Variants in PTPRC observed in about 807,000 individuals in gnomAD.
PTPRC encodes protein tyrosine phosphatase receptor type C, also known as receptor-type tyrosine-protein phosphatase C.
A neutral mutation model predicts 155.9 loss-of-function variants in PTPRC; 44 were observed. That is an observed-to-expected ratio of 0.28 (90% CI 0.22 to 0.36). PTPRC has a LOEUF of 0.36. PTPRC is among the 10% of genes least tolerant of loss of function. PTPRC has a pLI of 1.00. For missense variants in PTPRC, 1,401 were observed against 1,564.6 expected (o/e 0.90, Z 1.76); for synonymous variants, 525 against 533.1 (o/e 0.98, Z 0.21).
Position 198,735,144 on chromosome 1 carries a change from C to G in PTPRC, c.2295C>G (p.Tyr765Ter), listed in dbSNP as rs1571880832. 6.2e-7 allele frequency: 1 copy of G among 1,602,446 alleles called. No homozygotes were observed. Among genetic ancestry groups the G allele is most frequent in the Non-Finnish European group, 8.5e-7 (1 of 1,173,224 alleles). ...EEGNRNKCAE[Y>*]WPSMEEGTRA... ...AAATGTAGAACAAGTGTGCAGAATA[C>G]TGGCCGTCAATGGAAGAGGGCACTC... Residue 765 changes from tyrosine (Y) to a stop codon, truncating the protein, a stop_gained, in exon 23 of 33, where the codon TAC becomes TAG. Transcript: ENST00000442510. LOFTEE classifies it high-confidence loss of function.
intron 8 of PTPRC, among the ~76,000 whole-genome samples, chr1:198,706,228 C>T (rs1357121214): frequency 6.6e-6 from 1 of 152,092 alleles, no homozygotes; most frequent in Non-Finnish European, 1.5e-5. Flanking sequence ...CATAATTTTA[C>T]CCAAGTTAAG....
intron 19 of PTPRC, 30 bp downstream of exon 19, chr1:198,732,420 T>A (rs774487634): frequency 3.1e-6 from 5 of 1,597,368 alleles, no homozygotes; most frequent in Non-Finnish European, 4.3e-6. Flanking sequence ...TGAATTCCCA[T>A]ATATTAGGCT....
At chr1:198,745,980 G>T (rs1655118705) in intron 26 of PTPRC, among the ~76,000 whole-genome samples, 1 of 151,762 alleles carries the variant, frequency 6.6e-6, no homozygotes. Flanking sequence ...TTTTAGAGGT[G>T]ATGTAATATT....
intron 20 of PTPRC, among the ~76,000 whole-genome samples, chr1:198,733,385 T>A (rs1019272813): frequency 1.3e-5 from 2 of 151,788 alleles, no homozygotes; most frequent in Non-Finnish European, 2.9e-5. Context: ...ATTGACATAT[T>A]GTAGCTATTC....
chr1:198,658,446 A>C (rs1363691445), intron 2 of PTPRC, among the ~76,000 whole-genome samples: 5 of 152,226 alleles, frequency 3.3e-5, no homozygotes, highest in African/African-American at 1.2e-4. Context: ...AATTGTGCTC[A>C]TGAAAGACAC....
intron 2 of PTPRC, among the ~76,000 whole-genome samples, chr1:198,656,646 G>GTTTTTT (rs1017437706): frequency 6.9e-5 from 6 of 86,540 alleles, no homozygotes; most frequent in African/African-American, 2.6e-4. Flanking sequence ...CTAGTTTTTT[G>GTTTTTT]TTTTTTGTTT....
chr1:198,732,163 TTACTC>T (rs1274448645), intron 18 of PTPRC, 132 bp from the exon 19 acceptor site: 93 of 740,826 alleles, frequency 1.3e-4, no homozygotes, highest in South Asian at 8.9e-4. Flanking sequence ...TTAATTTTGA[TTACTC>T]TAAGCAAATT....
rs573231260 is a variant in PTPRC, at chr1:198,709,736, C to G, written c.1083C>G (p.Pro361=). Residue 361 remains proline, a synonymous_variant, in exon 11 of 33, where the codon CCC becomes CCG. Transcript: ENST00000442510. Reference sequence around the variant, plus strand: ...AAATTAAATTAGAAAACCTTGAACCCGAACATGAGTATAAGTGTGACTCAG... The same window carrying G: ...AAATTAAATTAGAAAACCTTGAACCGGAACATGAGTATAAGTGTGACTCAG... ...NKEIKLENLE[P]EHEYKCDSEI... is the part of the protein sequence containing the mutation. 6.9e-6 allele frequency: 11 copies of G among 1,605,368 alleles called. No homozygotes were observed. Among genetic ancestry groups the G allele is most frequent in the South Asian group, 1.1e-5 (1 of 88,366 alleles).
intron 23 of PTPRC, among the ~76,000 whole-genome samples, chr1:198,738,618 G>C (rs1441391038): frequency 6.6e-6 from 1 of 151,212 alleles, no homozygotes; most frequent in Admixed American, 6.6e-5. Context: ...TCTTTTTTTT[G>C]ATGTGTCTTT....
chr1:198,708,302 A>T, intron 10 of PTPRC, 41 bp downstream of exon 10: 1 of 1,564,304 alleles, frequency 6.4e-7, no homozygotes, highest in South Asian at 1.1e-5. Flanking sequence ...TTTTTGTGGC[A>T]CAATGTTGTT....
rs368910528 is a variant in PTPRC, at chr1:198,708,193, G to C, written c.965G>C (p.Cys322Ser). ...GTTGAAAAAGCAGATACTACTATTT[G>C]TTTAAAATGGAAAAATATTGAAACC... ...TQVEKADTTI[C>S]LKWKNIETFT... Residue 322 changes from cysteine to serine, a missense_variant, in exon 10 of 33, where the codon TGT becomes TCT. Coordinates refer to ENST00000442510, the MANE Select transcript of PTPRC (RefSeq NM_002838.5). 3.7e-6 allele frequency: 6 copies of C among 1,604,628 alleles called. No individual in the cohort carries two copies. Among genetic ancestry groups the C allele is most frequent in the Non-Finnish European group, 5.1e-6 (6 of 1,172,210 alleles).
Position 198,754,422 on chromosome 1 carries a change from T to G in PTPRC, c.3645+18T>G, listed in dbSNP as rs767273540. ...CCACATTCGTAAGTATCCTTCACCA[T>G]TGCTTTTAACATGCTCGGAATTTTT... On this transcript the variant is annotated intron_variant, in intron 32 of 32. Coordinates refer to ENST00000442510, the MANE Select transcript of PTPRC (RefSeq NM_002838.5). 8.1e-6 allele frequency: 13 copies of G among 1,613,188 alleles called. No homozygotes were observed. Among genetic ancestry groups the G allele is most frequent in the Non-Finnish European group, 1.1e-5 (13 of 1,179,506 alleles).
intron 15 of PTPRC, among the ~76,000 whole-genome samples, chr1:198,726,805 G>GA (rs1654153333): frequency 1.3e-5 from 2 of 150,562 alleles, no homozygotes; most frequent in Non-Finnish European, 3.0e-5. Context: ...CAGAGTATAT[G>GA]AAAAAATGCA....
rs979304343 is a variant in PTPRC at position 198,667,696 on chromosome 1, T to G, written c.74-24651T>G. ...ACAGTCTCTGCCTTGAAAACATATT[T>G]ATTTTATTTCTAGGACAAGACATCT... is the stretch of plus-strand genomic sequence containing the variant. On this transcript the variant is annotated intron_variant, in intron 2 of 32. Coordinates refer to ENST00000442510, the MANE Select transcript of PTPRC (RefSeq NM_002838.5). Among the ~76,000 whole-genome samples, 13 of 152,058 alleles carry G rather than the reference T, an allele frequency of 8.5e-5. 1 individual carries two copies.
At chr1:198,695,296 T>C (rs950796741) in intron 3 of PTPRC, 4 of 682,498 alleles carry the variant, frequency 5.9e-6, no homozygotes, top group Admixed American at 1.3e-4. Flanking sequence ...ATTTGTGCCA[T>C]TGTCTTTTGC....
At position 198,755,988 on chromosome 1, in the gene PTPRC, A is replaced by G; in HGVS notation, c.3728A>G (p.Glu1243Gly). ...CAAGTAAAGAAAAACAACCATCAAG[A>G]AGATAAAATTGAATTTGATAATGAA... ...NGQVKKNNHQ[E>G]DKIEFDNEVD... Residue 1243 changes from glutamate (E) to glycine (G), a missense_variant, in exon 33 of 33, where the codon GAA becomes GGA. By Grantham distance (98) the Glu-to-Gly change is moderately conservative (BLOSUM62 -2). Coordinates refer to ENST00000442510, the MANE Select transcript of PTPRC (RefSeq NM_002838.5). The G allele has an allele frequency of 6.2e-7, 1 of 1,613,292 alleles. No homozygotes were observed. The highest frequency in any genetic ancestry group is 1.3e-5 in the African/African-American group (1 of 74,960).
intron 18 of PTPRC, 83 bp from the exon 19 acceptor site, chr1:198,732,217 C>T: frequency 9.6e-7 from 1 of 1,043,378 alleles, no homozygotes. Context: ...CAGGATATCT[C>T]ATTTACTCAA....
At chr1:198,721,745 A>G (rs1653897639) in intron 14 of PTPRC, among the ~76,000 whole-genome samples, 2 of 151,876 alleles carry the variant, frequency 1.3e-5, no homozygotes, top group African/African-American at 2.4e-5. Flanking sequence ...GGTAAATTAT[A>G]TATTCTCCAT....
chr1:198,681,659 TA>T (rs3835634), intron 2 of PTPRC, among the ~76,000 whole-genome samples: 15,626 of 152,274 alleles, frequency 0.1, 975 homozygotes, highest in East Asian at 0.19. Flanking sequence ...AATGAATTAA[TA>T]AAGCTTAGTT....
Sources: gnomAD v4.1 joint callset for allele counts (sites outside exome capture counted in the v4.1 genomes callset) on GRCh38, gnomAD v4.1.1 for gene constraint, MANE v1.5 for transcripts, NCBI Gene and HGNC (gene_info 2026-07-23, HGNC 2026-07-21) for gene names.